Variants in PGR observed in about 807,000 individuals in gnomAD.
PGR encodes the protein nuclear receptor subfamily 3 group C member 3.
Under a neutral mutation model 76.1 loss-of-function variants are expected in PGR, and 25 were observed. The ratio of observed to expected loss-of-function variants is 0.33; its 90% CI spans 0.24 to 0.46. The LOEUF (loss-of-function observed/expected upper bound fraction) is 0.46, where lower values mean the gene tolerates loss of function less well. PGR is among the 20% of genes least tolerant of loss of function. The pLI, the probability that PGR is intolerant of heterozygous loss-of-function variation, is 1.00. For missense variants in PGR, 1,172 were observed against 1,225.3 expected (o/e 0.96, Z 0.65); for synonymous variants, 579 against 535.0 (o/e 1.08, Z -1.14).
At chr11:101,079,878 C>T (rs182945054) in intron 3 of PGR, among the ~76,000 whole-genome samples, 6 of 144,300 alleles carry the variant, frequency 4.2e-5, no homozygotes, top group South Asian at 2.2e-4. Flanking sequence ...GTGCAGGGGG[C>T]CCCTCTCTAT....
chr11:101,049,910 G>A lies in PGR; in HGVS notation c.2488+19C>T, dbSNP rs371486078. The A allele has an allele frequency of 3.1e-6, 5 of 1,601,566 alleles. 1 individual carries two copies. The highest frequency in any genetic ancestry group is 4.3e-6 in the Non-Finnish European group (5 of 1,169,728). The stretch of plus-strand genomic sequence containing the variant: ...TAAGAAACTAGATATCTTGCATTAA[G>A]TTACTTGAACTCACTCACTTGTATT... On this transcript the variant is annotated intron_variant, in intron 6 of 7. Transcript: ENST00000325455.
At chr11:101,091,711 A>C (rs776152844) in intron 3 of PGR, 49 bp downstream of exon 3, 2 of 959,534 alleles carry the variant, frequency 2.1e-6, no homozygotes, top group Non-Finnish European at 3.4e-6. Flanking sequence ...ACACAGTTTT[A>C]TAGTATAAAG....
Position 101,129,328 on chromosome 11 carries a change from A to G in PGR, c.-258T>C. 1 of 477,424 alleles carries G rather than the reference A, an allele frequency of 2.1e-6. No homozygotes were observed. 29.6% of individuals were successfully genotyped at this position (477,424 alleles called of 1,614,324 possible). ...CGAGCGGCAAGTGGGGAGCGCAAGA[A>G]AAAGTAGTAATTGTTAGGAGATCTC... On this transcript the variant is annotated 5_prime_UTR_variant, in exon 1 of 8. Transcript: ENST00000325455.
chr11:101,080,774 TA>T (rs1278109140), intron 3 of PGR, among the ~76,000 whole-genome samples: 2 of 151,866 alleles, frequency 1.3e-5, no homozygotes, highest in Non-Finnish European at 2.9e-5. Context: ...ATGAACATCT[TA>T]AAAAAAATCA....
intron 4 of PGR, among the ~76,000 whole-genome samples, chr11:101,059,563 G>T (rs968956943): frequency 6.6e-6 from 1 of 152,112 alleles, no homozygotes; most frequent in East Asian, 1.9e-4. Context: ...GTGGGGTGCG[G>T]TGAGTCATGT....
At chr11:101,076,688 G>C (rs1861138942) in intron 3 of PGR, among the ~76,000 whole-genome samples, 2 of 151,538 alleles carry the variant, frequency 1.3e-5, no homozygotes, top group South Asian at 2.1e-4. Context: ...AGAAGTGAAA[G>C]CTTAAATATA....
In PGR at chr11:101,032,416, T is replaced by G. The variant is rs1445300986; in HGVS notation, c.*6700A>C. 4.3e-6 allele frequency: 1 copy of G among 232,480 alleles called. No individual in the cohort carries two copies. The highest frequency in any genetic ancestry group is 5.6e-5 in the Admixed American group (1 of 17,760). 14.4% of individuals were successfully genotyped at this position (232,480 alleles called of 1,614,324 possible). Reference sequence around the variant, plus strand: ...CTTTCCTGTTTACAACAGAATCAAGTCTACACTCTTTAACATGGTGTACAA... The same window carrying G: ...CTTTCCTGTTTACAACAGAATCAAGGCTACACTCTTTAACATGGTGTACAA... On this transcript the variant is annotated 3_prime_UTR_variant, in exon 8 of 8. Transcript: ENST00000325455.
At position 101,037,206 on chromosome 11, in the gene PGR, C is replaced by T. The variant is rs976321614; in HGVS notation, c.*1910G>A. On this transcript the variant is annotated 3_prime_UTR_variant, in exon 8 of 8. Coordinates refer to ENST00000325455, the MANE Select transcript of PGR (RefSeq NM_000926.4). ...TGTTATTTAATATTTAAAGTTAGTA[C>T]CTTTGTGCTGCATGGGTATCAGTAA... 1 of 211,434 alleles carries T rather than the reference C, an allele frequency of 4.7e-6. No individual in the cohort carries two copies. The highest frequency in any genetic ancestry group is 5.9e-5 in the Admixed American group (1 of 17,068). 13.1% of individuals were successfully genotyped at this position (211,434 alleles called of 1,614,324 possible).
chr11:101,124,539 C>T lies in PGR; in HGVS notation c.1789+1468G>A, dbSNP rs146134700. On this transcript the variant is annotated intron_variant, in intron 2 of 7. Coordinates refer to ENST00000325455, the MANE Select transcript of PGR (RefSeq NM_000926.4). ...TTCAAAAGAAGGAGCTGGGGTAGGACAAATTGGGCTTAAGAGGATTCTAAG... is the reference window on the plus strand; with the variant it reads ...TTCAAAAGAAGGAGCTGGGGTAGGATAAATTGGGCTTAAGAGGATTCTAAG... Among the ~76,000 whole-genome samples the T allele has an allele frequency of 5.9e-3, 905 of 152,166 alleles. 6 individuals are homozygous for T. Among genetic ancestry groups the T allele is most frequent in the Middle Eastern group, 0.02 (6 of 294 alleles).
intron 5 of PGR, 34 bp downstream of exon 5, chr11:101,051,390 T>TA (rs2020877): frequency 0.035 from 51,472 of 1,462,550 alleles, 1,040 homozygotes; most frequent in East Asian, 0.046. Context: ...CATGTACACT[T>TA]AAAATAACAA....
rs1038540060 is a variant in PGR, at chr11:101,037,542, G to A, written c.*1574C>T. ...AATTGTTTTGTGGAATTTTGCTTAG[G>A]GAGAGAAATAATATTCCATTCATTC... On this transcript the variant is annotated 3_prime_UTR_variant, in exon 8 of 8. Coordinates refer to ENST00000325455, the MANE Select transcript of PGR (RefSeq NM_000926.4). 4.4e-6 allele frequency: 1 copy of A among 227,882 alleles called. No individual in the cohort carries two copies. Among genetic ancestry groups the A allele is most frequent in the African/African-American group, 2.2e-5 (1 of 45,050 alleles). 14.1% of individuals were successfully genotyped at this position (227,882 alleles called of 1,614,324 possible).
chr11:101,077,037 T>C (rs1430046221), intron 3 of PGR, among the ~76,000 whole-genome samples: 1 of 151,582 alleles, frequency 6.6e-6, no homozygotes, highest in African/African-American at 2.4e-5. Context: ...ATTTTCTCTT[T>C]CCTATTTAAC....
At chr11:101,117,401 T>C (rs1283618446) in intron 2 of PGR, among the ~76,000 whole-genome samples, 2 of 152,154 alleles carry the variant, frequency 1.3e-5, no homozygotes, top group South Asian at 2.1e-4. Context: ...AATTTCCTTT[T>C]GATTTACATA....
chr11:101,103,461 G>A (rs993354602), intron 2 of PGR, among the ~76,000 whole-genome samples: 1 of 152,126 alleles, frequency 6.6e-6, no homozygotes, highest in African/African-American at 2.4e-5. Flanking sequence ...TCTTACCCCC[G>A]CATGTTACTA....
chr11:101,106,705 C>T (rs1298844557), intron 2 of PGR, among the ~76,000 whole-genome samples: 2 of 152,056 alleles, frequency 1.3e-5, no homozygotes, highest in African/African-American at 4.8e-5. Flanking sequence ...CCCAGCAATC[C>T]CATTACTGGG....
At chr11:101,040,743 T>A (rs1332283019) in intron 7 of PGR, among the ~76,000 whole-genome samples, 1 of 152,048 alleles carries the variant, frequency 6.6e-6, no homozygotes, top group African/African-American at 2.4e-5. Flanking sequence ...AATTGTGCAG[T>A]GCCTCTACAC....
intron 2 of PGR, among the ~76,000 whole-genome samples, chr11:101,123,468 T>C (rs977102108): frequency 1.3e-5 from 2 of 152,222 alleles, no homozygotes; most frequent in Non-Finnish European, 2.9e-5. Flanking sequence ...GAACATTCTC[T>C]ATATTCTCTT....
rs2032277591 is a variant in PGR at position 101,034,603 on chromosome 11, T to G, written c.*4513A>C. ...TTCTTTTCAGCTTTTAAGGCCACATTGATTCTAGGCCGAACTTTAGAAGTG... is the reference window on the plus strand; with the variant it reads ...TTCTTTTCAGCTTTTAAGGCCACATGGATTCTAGGCCGAACTTTAGAAGTG... On this transcript the variant is annotated 3_prime_UTR_variant, in exon 8 of 8. Transcript: ENST00000325455. 5.8e-6 allele frequency: 1 copy of G among 172,418 alleles called. No homozygotes were observed. 10.7% of individuals were successfully genotyped at this position (172,418 alleles called of 1,614,324 possible).
At chr11:101,116,739 CAAA>C (rs11300466) in intron 2 of PGR, among the ~76,000 whole-genome samples, 16 of 68,968 alleles carry the variant, frequency 2.3e-4, no homozygotes, top group African/African-American at 7.0e-4. Context: ...GATTCCACCT[CAAA>C]AAAAAAAAAA....
Sources: gnomAD v4.1 joint callset for allele counts (sites outside exome capture counted in the v4.1 genomes callset) on GRCh38, gnomAD v4.1.1 for gene constraint, MANE v1.5 for transcripts, NCBI Gene and HGNC (gene_info 2026-07-23, HGNC 2026-07-21) for gene names.